Variants in MAP1S observed in about 807,000 individuals in gnomAD.
MAP1S encodes the protein microtubule associated protein 1S, also known as microtubule-associated protein 1S.
A neutral mutation model predicts 60.9 loss-of-function variants in MAP1S; 27 were observed. The ratio of observed to expected loss-of-function variants is 0.44; its 90% CI spans 0.33 to 0.61. The LOEUF (loss-of-function observed/expected upper bound fraction) is 0.61. MAP1S is among the 20% of genes least tolerant of loss of function. MAP1S has a pLI of 0.03. For missense variants in MAP1S, 1,608 were observed against 1,486.6 expected, an observed-to-expected ratio of 1.08 and a Z score of -1.34; for synonymous variants, 826 against 694.2, an observed-to-expected ratio of 1.19 and a Z score of -2.98.
intron 5 of MAP1S, chr19:17,732,972 A>C (rs2080504602): frequency 5.7e-6 from 3 of 530,292 alleles, no homozygotes; most frequent in Admixed American, 3.6e-5. Flanking sequence ...GGATCACTTG[A>C]GCCCAGGAGT....
Position 17,727,792 on chromosome 19 carries a change from C to A in MAP1S, c.2408C>A (p.Ala803Asp). Residue 803 changes from alanine to aspartate, a missense_variant, in exon 5 of 7, where the codon GCC becomes GAC. Coordinates refer to ENST00000324096, the MANE Select transcript of MAP1S (RefSeq NM_018174.6). This position sits in a 1 kb window ranked among gnomAD's most constrained non-coding sequence, Gnocchi z 4.1. ...TCTGACTCGGATCCCGTGCCCCTGG[C>A]CCCCGGTGCGGCAGACTCAGACGAA... ...TLSDSDPVPL[A>D]PGAADSDEDT... The A allele has an allele frequency of 6.2e-7, 1 of 1,611,290 alleles. No individual in the cohort carries two copies.
rs141363870 is a variant in MAP1S, at chr19:17,726,342, G to T, written c.958G>T (p.Gly320Cys). Residue 320 changes from glycine (G) to cysteine (C), a missense_variant, in exon 5 of 7, where the codon GGC (glycine) becomes TGC (cysteine). Physicochemically the swap from Gly to Cys is radical, Grantham distance 159. Coordinates refer to ENST00000324096, the MANE Select transcript of MAP1S (RefSeq NM_018174.6). ...AERSEVAAGG[G>C]SWDDRLRRLI... is the part of the protein sequence containing the mutation. ...GCGCTCCGAGGTGGCTGCTGGTGGG[G>T]GCTCCTGGGACGACAGGCTGCGCAG... 464 of 1,602,054 alleles carry T rather than the reference G, an allele frequency of 2.9e-4. 1 individual carries two copies. Among genetic ancestry groups the T allele is most frequent in the South Asian group, 3.8e-4 (34 of 90,532 alleles).
chr19:17,727,981 T>G lies in MAP1S; in HGVS notation c.2597T>G (p.Leu866Arg). ...AACGTCAGCCGCACCCGGAAGCCCCTGGCCCGCCCCAACTCACGCGCTGCC... is the reference window on the plus strand; with the variant it reads ...AACGTCAGCCGCACCCGGAAGCCCCGGGCCCGCCCCAACTCACGCGCTGCC... ...TENVSRTRKP[L>R]ARPNSRAAAP... Residue 866 changes from leucine (L) to arginine (R), a missense_variant, in exon 5 of 7, where the codon CTG becomes CGG. This residue lies in a region of MAP1S where 1,167 missense variants were observed against 961.4 expected (regional missense o/e 1.21). Transcript: ENST00000324096. This position sits in a 1 kb window ranked among gnomAD's most constrained non-coding sequence, Gnocchi z 4.1. 6.2e-7 allele frequency: 1 copy of G among 1,609,508 alleles called. No homozygotes were observed. The highest frequency in any genetic ancestry group is 1.1e-5 in the South Asian group (1 of 90,746).
chr19:17,723,578 C>A lies in MAP1S; in HGVS notation c.221-548C>A, dbSNP rs1001644974. On this transcript the variant is annotated intron_variant, in intron 2 of 6. Coordinates refer to ENST00000324096, the MANE Select transcript of MAP1S (RefSeq NM_018174.6). ...AAAAAGAAAAGAAAAAGGCCGGGCG[C>A]GGTGGCTCACGCCTGTAATCCCAGC... is the stretch of plus-strand genomic sequence containing the variant. Among the ~76,000 whole-genome samples, 64 of 151,158 alleles carry A rather than the reference C, an allele frequency of 4.2e-4. 1 individual carries two copies. Among genetic ancestry groups the A allele is most frequent in the African/African-American group, 1.5e-3 (62 of 41,010 alleles).
In MAP1S at chr19:17,725,851, C is replaced by T. The variant is rs758768677; in HGVS notation, c.467C>T (p.Thr156Met). ...CAGATCCGGGACATCCTGGCCACCA[C>T]GCCCCCACCTGTGCAGCCGCCCATA... is the stretch of plus-strand genomic sequence containing the variant. Reference protein sequence around the residue: ...DREIRDILATTPPPVQPPILT... With the variant: ...DREIRDILATMPPPVQPPILT... Residue 156 changes from threonine to methionine, a missense_variant, in exon 5 of 7, where the codon ACG (threonine) becomes ATG (methionine). By Grantham distance (81) the Thr-to-Met change is moderately conservative. Around this residue, in one of 4 missense-constraint regions of MAP1S, gnomAD observed 320 missense variants for 393.1 expected, o/e 0.81. Transcript: ENST00000324096. The surrounding 1 kb of genome is among the most constrained non-coding windows in gnomAD (Gnocchi z 4.2). The T allele has an allele frequency of 7.4e-6, 12 of 1,612,498 alleles. No homozygotes were observed. The highest frequency in any genetic ancestry group is 2.2e-5 in the East Asian group (1 of 44,880).
intron 5 of MAP1S, among the ~76,000 whole-genome samples, chr19:17,730,849 A>G (rs2080486667): frequency 1.4e-5 from 2 of 140,232 alleles, no homozygotes; most frequent in African/African-American, 5.3e-5. Flanking sequence ...TTGATGTCAG[A>G]CCCAATAAAT....
At chr19:17,723,199 C>T (rs1005196601) in intron 2 of MAP1S, among the ~76,000 whole-genome samples, 7 of 152,216 alleles carry the variant, frequency 4.6e-5, no homozygotes, top group Admixed American at 1.3e-4. Context: ...GATGTACCCT[C>T]GTCCACGTTC....
Position 17,721,689 on chromosome 19 carries a change from A to G in MAP1S, c.220+652A>G, listed in dbSNP as rs117454439. On this transcript the variant is annotated intron_variant, in intron 2 of 6. Transcript: ENST00000324096. ...GAGGGACTCTGTCTCAGAACAAACA[A>G]ACAAACAAAAAACATCTGGAAGGTG... Among the ~76,000 whole-genome samples the G allele has an allele frequency of 8.3e-4, 127 of 152,216 alleles. 3 individuals are homozygous for G. The East Asian group carries it at 0.023, about 28-fold the overall frequency.
In MAP1S at chr19:17,727,657, C is replaced by T. The variant is rs143446019; in HGVS notation, c.2273C>T (p.Ala758Val). 8.1e-6 allele frequency: 13 copies of T among 1,608,700 alleles called. 1 individual carries two copies. The highest frequency in any genetic ancestry group is 5.5e-5 in the South Asian group (5 of 91,020). The change falls in exon 5 of 7, where the codon GCG becomes GTG. Residue 758 changes from alanine (A) to valine (V), a missense_variant. Around this residue, in one of 4 missense-constraint regions of MAP1S, gnomAD observed 1,167 missense variants for 961.4 expected, o/e 1.21. Coordinates refer to ENST00000324096, the MANE Select transcript of MAP1S (RefSeq NM_018174.6). The surrounding 1 kb of genome is among the most constrained non-coding windows in gnomAD (Gnocchi z 4.1). ...GCGGTGCCAATGGCACCGGCACCTG[C>T]GTCCCCCGGCAGCTCGAATGACAGC... is the stretch of plus-strand genomic sequence containing the variant. ...RKAVPMAPAP[A>V]SPGSSNDSSA...
intron 3 of MAP1S, 90 bp from the exon 4 acceptor site, chr19:17,724,959 G>T (rs886742710): frequency 2.0e-6 from 3 of 1,524,800 alleles, no homozygotes; most frequent in Admixed American, 1.7e-5. Context: ...GAGAGGGGTG[G>T]TTATGTATCG....
chr19:17,723,218 T>TGGCCCTCCTC (rs2080386871), intron 2 of MAP1S, among the ~76,000 whole-genome samples: 1 of 152,176 alleles, frequency 6.6e-6, no homozygotes. Flanking sequence ...TCGCCCTCAT[T>TGGCCCTCCTC]GGCCCTCCTC....
intron 2 of MAP1S, among the ~76,000 whole-genome samples, chr19:17,723,294 C>T (rs957429030): frequency 2.0e-5 from 3 of 152,208 alleles, no homozygotes; most frequent in Non-Finnish European, 4.4e-5. Flanking sequence ...AGTCTGTAAT[C>T]CCAGCACTTT....
In MAP1S at chr19:17,725,804, C is replaced by A. The variant is rs1270347139; in HGVS notation, c.445-25C>A. On this transcript the variant is annotated intron_variant, in intron 4 of 6. Transcript: ENST00000324096. The surrounding 1 kb of genome is among the most constrained non-coding windows in gnomAD (Gnocchi z 4.2). ...TAGGTGTTGCCTGGCTCTAGGTGGT[C>A]CCTTACCACTCCTCCTCCATACAGA... 6.3e-7 allele frequency: 1 copy of A among 1,596,152 alleles called. No individual in the cohort carries two copies. The highest frequency in any genetic ancestry group is 8.5e-7 in the Non-Finnish European group (1 of 1,171,720).
Position 17,725,941 on chromosome 19 carries a change from A to G in MAP1S, c.557A>G (p.Gln186Arg). 1.2e-6 allele frequency: 2 copies of G among 1,613,390 alleles called. No individual in the cohort carries two copies. The highest frequency in any genetic ancestry group is 1.7e-6 in the Non-Finnish European group (2 of 1,179,774). Residue 186 changes from glutamine (Q) to arginine (R), a missense_variant, in exon 5 of 7, where the codon CAG becomes CGG. Gln to Arg is a conservative substitution (Grantham distance 43). This residue lies in a region of MAP1S where 320 missense variants were observed against 393.1 expected (regional missense o/e 0.81). Transcript: ENST00000324096. The surrounding 1 kb of genome is among the most constrained non-coding windows in gnomAD (Gnocchi z 4.2). ...CTGGCACCCGCTGTGCCTGGCCTTC[A>G]GGGGGCGCTCCGGCTCCAGCTGCGG... ...AQLAPAVPGL[Q>R]GALRLQLRLN...
chr19:17,733,285 C>T lies in MAP1S; in HGVS notation c.2881C>T (p.His961Tyr). 1.9e-6 allele frequency: 3 copies of T among 1,578,950 alleles called. No individual in the cohort carries two copies. The highest frequency in any genetic ancestry group is 2.6e-6 in the Non-Finnish European group (3 of 1,163,660). Residue 961 changes from histidine to tyrosine, a missense_variant, in exon 6 of 7, where the codon CAC becomes TAC. Coordinates refer to ENST00000324096, the MANE Select transcript of MAP1S (RefSeq NM_018174.6). ...CTACCTGCCCAGCGGGAGCAGCGCCCACCTGGTGGATGAGGAGTTCTTCCA... is the reference window on the plus strand; with the variant it reads ...CTACCTGCCCAGCGGGAGCAGCGCCTACCTGGTGGATGAGGAGTTCTTCCA... ...LAYLPSGSSA[H>Y]LVDEEFFQRV...
intron 1 of MAP1S, chr19:17,720,595 G>A (rs1369008306): frequency 4.8e-6 from 6 of 1,256,036 alleles, no homozygotes; most frequent in Middle Eastern, 2.7e-4. Flanking sequence ...GGAACAGGTG[G>A]GGGCGGCAGG....
At chr19:17,719,749 G>C in intron 1 of MAP1S, 129 bp downstream of exon 1, 1 of 259,634 alleles carries the variant, frequency 3.9e-6, no homozygotes, top group Non-Finnish European at 6.1e-6. Context: ...GGGGGTCGCG[G>C]GCCTGGGGCT....
chr19:17,726,906 CG>C lies in MAP1S; in HGVS notation c.1525del (p.Ala509LeufsTer17). On this transcript the variant is annotated frameshift_variant, in exon 5 of 7. Transcript: ENST00000324096. LOFTEE classifies it high-confidence loss of function. ...TGGGGTGGCCCGCAAGGAGCCAGCA[CG>C]GGCTGAGGCCCCACGCAAGACTGAG... ...RPGVARKEPA[R>X]AEAPRKTEKE... 1 of 1,561,938 alleles carries C rather than the reference CG, an allele frequency of 6.4e-7. No individual in the cohort carries two copies. The highest frequency in any genetic ancestry group is 8.7e-7 in the Non-Finnish European group (1 of 1,153,668).
At chr19:17,720,385 A>AG in intron 1 of MAP1S, 1 of 1,534,702 alleles carries the variant, frequency 6.5e-7, no homozygotes, top group Non-Finnish European at 8.7e-7. Context: ...CAGTGGACAC[A>AG]GGGATATGGC....
Sources: allele counts gnomAD v4.1 joint callset (sites outside exome capture counted in the v4.1 genomes callset), GRCh38; gene constraint gnomAD v4.1.1; regional missense constraint gnomAD v4.1.1; non-coding constraint Gnocchi (gnomAD v3.1); transcripts MANE v1.5; gene names NCBI Gene and HGNC (gene_info 2026-07-23, HGNC 2026-07-21).